The following ARK2C variants were observed in gnomAD, a reference collection of about 807,000 sequenced individuals.
ARK2C encodes arkadia (RNF111) C-terminal like ring finger ubiquitin ligase 2C.
chr18:46,398,123 T>C, the ARK2C span, among the ~76,000 whole-genome samples: 1 of 136,582 alleles, frequency 7.3e-6, no homozygotes, highest in African/African-American at 2.8e-5. Flanking sequence ...GAGATCATGC[T>C]GGGGTGGGAA....
the ARK2C span, among the ~76,000 whole-genome samples, chr18:46,403,955 C>T: frequency 9.2e-3 from 1,400 of 152,304 alleles, 20 homozygotes; most frequent in African/African-American, 0.032. Flanking sequence ...GTGACCCCAT[C>T]ATAGAAGCTC....
At chr18:46,433,502 C>G in the ARK2C span, 7 of 1,602,166 alleles carry the variant, frequency 4.4e-6, no homozygotes, top group Non-Finnish European at 6.0e-6. Context: ...GTCTCGCACC[C>G]CAGGTTGGTG....
the ARK2C span, chr18:46,336,377 C>A: frequency 1.5e-5 from 15 of 972,492 alleles, no homozygotes; most frequent in Admixed American, 6.4e-5. Context: ...TCCCTCACCC[C>A]CCCCAACAAA....
the ARK2C span, chr18:46,334,668 G>T: frequency 2.7e-6 from 1 of 374,356 alleles, no homozygotes; most frequent in East Asian, 4.4e-5. The surrounding 1 kb of genome is among the most constrained non-coding windows in gnomAD (Gnocchi z 4.4). Context: ...AAAGATACAT[G>T]ACCGTGTGTG....
chr18:46,400,509 G>A, the ARK2C span, among the ~76,000 whole-genome samples: 1 of 152,144 alleles, frequency 6.6e-6, no homozygotes, highest in Admixed American at 6.5e-5. Flanking sequence ...TCGTAAGACT[G>A]TGTGACCTGC....
chr18:46,406,125 A>T, the ARK2C span, among the ~76,000 whole-genome samples: 2 of 152,036 alleles, frequency 1.3e-5, no homozygotes, highest in Admixed American at 1.3e-4. Context: ...CCCCTCATAG[A>T]CACACACTTA....
chr18:46,342,384 C>T, the ARK2C span, among the ~76,000 whole-genome samples: 1 of 152,342 alleles, frequency 6.6e-6, no homozygotes, highest in East Asian at 1.9e-4. Context: ...GGCTCTTTGT[C>T]CACAGTGGAA....
chr18:46,443,188 A>G, the ARK2C span, among the ~76,000 whole-genome samples: 3 of 151,730 alleles, frequency 2.0e-5, no homozygotes, highest in Non-Finnish European at 2.9e-5. Context: ...TCTTTCTTCC[A>G]TCTGTTTTGT....
the ARK2C span, among the ~76,000 whole-genome samples, chr18:46,358,394 A>G: frequency 6.6e-6 from 1 of 152,220 alleles, no homozygotes; most frequent in African/African-American, 2.4e-5. Context: ...ACACCCAGCC[A>G]TAGGACAGGA....
At chr18:46,413,968 C>A in the ARK2C span, among the ~76,000 whole-genome samples, 2 of 152,184 alleles carry the variant, frequency 1.3e-5, no homozygotes, top group East Asian at 3.9e-4. Context: ...AATTCAAAGT[C>A]ATGCAGCATG....
chr18:46,424,223 G>T, the ARK2C span, among the ~76,000 whole-genome samples: 2 of 152,232 alleles, frequency 1.3e-5, no homozygotes, highest in Non-Finnish European at 2.9e-5. Flanking sequence ...TGGACAGGAT[G>T]CAATGGTCTG....
the ARK2C span, among the ~76,000 whole-genome samples, chr18:46,369,940 C>G: frequency 6.6e-6 from 1 of 152,132 alleles, no homozygotes; most frequent in Non-Finnish European, 1.5e-5. Flanking sequence ...GCCCTCCACA[C>G]ACACACACGC....
chr18:46,362,085 C>A, the ARK2C span, among the ~76,000 whole-genome samples: 1 of 152,232 alleles, frequency 6.6e-6, no homozygotes, highest in East Asian at 1.9e-4. Context: ...CCACCCCAAG[C>A]CCCACTCATA....
the ARK2C span, among the ~76,000 whole-genome samples, chr18:46,383,557 T>A: frequency 6.9e-6 from 1 of 143,962 alleles, no homozygotes; most frequent in Non-Finnish European, 1.5e-5. Flanking sequence ...TCTGTTTTTT[T>A]TTTTTTTTTT....
At chr18:46,351,352 A>G in the ARK2C span, among the ~76,000 whole-genome samples, 2 of 152,326 alleles carry the variant, frequency 1.3e-5, no homozygotes, top group Admixed American at 1.3e-4. Flanking sequence ...AGTTCCCTCC[A>G]GGTGCCCCTA....
the ARK2C span, among the ~76,000 whole-genome samples, chr18:46,402,403 A>T: frequency 6.6e-6 from 1 of 152,274 alleles, no homozygotes; most frequent in Non-Finnish European, 1.5e-5. Context: ...AATTTCAGAT[A>T]AAATGAACAT....
At chr18:46,352,754 C>T in the ARK2C span, among the ~76,000 whole-genome samples, 1 of 152,198 alleles carries the variant, frequency 6.6e-6, no homozygotes, top group Non-Finnish European at 1.5e-5. Flanking sequence ...CGTAACCACC[C>T]TTAGCTGTAA....
chr18:46,425,210 G>A, the ARK2C span, among the ~76,000 whole-genome samples: 1 of 152,114 alleles, frequency 6.6e-6, no homozygotes, highest in East Asian at 1.9e-4. Context: ...GGGAACTCGG[G>A]CTTCCGGGGA....
the ARK2C span, chr18:46,435,284 T>A: frequency 1.1e-5 from 18 of 1,613,774 alleles, no homozygotes; most frequent in African/African-American, 2.1e-4. Context: ...TCCCTTCTGG[T>A]GCAGGCGGAG....
Sources: allele counts gnomAD v4.1 joint callset (sites outside exome capture counted in the v4.1 genomes callset), GRCh38; gene constraint gnomAD v4.1.1; non-coding constraint Gnocchi (gnomAD v3.1); transcripts MANE v1.5; gene names NCBI Gene and HGNC (gene_info 2026-07-23, HGNC 2026-07-21).